CTNNBIP1: variants seen among roughly 807,000 people sequenced by gnomAD.
The protein encoded by CTNNBIP1 is beta-catenin-interacting protein 1.
Under a neutral mutation model 11.8 loss-of-function variants are expected in CTNNBIP1, and 7 were observed. The ratio of observed to expected loss-of-function variants is 0.60; its 90% CI spans 0.34 to 1.12. The LOEUF is 1.12. Ranked by LOEUF, CTNNBIP1 falls within the 50% of genes most tolerant of loss-of-function variation. The probability of loss-of-function intolerance (pLI) is 0.03; values close to 1 mark genes in which losing one functional copy is unlikely to be tolerated. For missense variants in CTNNBIP1, 101 were observed against 113.4 expected (o/e 0.89, Z 0.50); for synonymous variants, 58 against 43.9 (o/e 1.32, Z -1.26).
At chr1:9,862,332 C>T (rs1638648638) in intron 5 of CTNNBIP1, among the ~76,000 whole-genome samples, 1 of 152,204 alleles carries the variant, frequency 6.6e-6, no homozygotes, top group Admixed American at 6.5e-5. Context: ...GATCTCCTGC[C>T]TCAGCCTCCC....
intron 3 of CTNNBIP1, among the ~76,000 whole-genome samples, chr1:9,873,613 A>G (rs1638908506): frequency 6.6e-6 from 1 of 152,204 alleles, no homozygotes; most frequent in Non-Finnish European, 1.5e-5. Flanking sequence ...CTGGGTGTGG[A>G]TGATGATGCG....
chr1:9,853,178 G>A (rs184066310), intron 5 of CTNNBIP1, among the ~76,000 whole-genome samples: 263 of 152,256 alleles, frequency 1.7e-3, no homozygotes, highest in Non-Finnish European at 1.1e-3. Flanking sequence ...GAGGAGCTGC[G>A]GCCTGTCTGT....
intron 5 of CTNNBIP1, among the ~76,000 whole-genome samples, chr1:9,868,385 G>A (rs986691351): frequency 1.3e-5 from 2 of 152,342 alleles, no homozygotes; most frequent in South Asian, 2.1e-4. Flanking sequence ...TGCTCCTACT[G>A]CTCAGCAGTT....
At chr1:9,874,155 G>A (rs912932794) in intron 3 of CTNNBIP1, among the ~76,000 whole-genome samples, 4 of 152,084 alleles carry the variant, frequency 2.6e-5, no homozygotes, top group South Asian at 2.1e-4. Flanking sequence ...GCACTCGTCC[G>A]TTCTAGAACA....
At position 9,873,141 on chromosome 1, in the gene CTNNBIP1, C is replaced by T. The variant is rs185700224; in HGVS notation, c.-24-1053G>A. 1.2e-4 allele frequency among the ~76,000 whole-genome samples: 19 copies of T among 152,274 alleles called. No individual in the cohort carries two copies. The East Asian group carries it at 3.7e-3, about 29-fold the overall frequency. On this transcript the variant is annotated intron_variant, in intron 3 of 5. Transcript: ENST00000377263. ...CCGGGCAGCAGCCTCCCTGTAGGTA[C>T]TTGTCAACTGCTCATTCCCCATAAG...
chr1:9,850,478 A>T lies in CTNNBIP1; in HGVS notation c.*240T>A. 2.4e-6 allele frequency: 1 copy of T among 418,234 alleles called. No homozygotes were observed. Among genetic ancestry groups the T allele is most frequent in the East Asian group, 3.6e-5 (1 of 27,772 alleles). 25.9% of individuals were successfully genotyped at this position (418,234 alleles called of 1,614,324 possible). A position where few individuals can be genotyped will look rare whatever the true frequency, so the allele number is the denominator to read the frequency against. On this transcript the variant is annotated 3_prime_UTR_variant, in exon 6 of 6. Coordinates refer to ENST00000377263, the MANE Select transcript of CTNNBIP1 (RefSeq NM_020248.3). The stretch of plus-strand genomic sequence containing the variant: ...CTGTTGGTCAAGATTTAAAAAATAA[A>T]AAAGTTTCTTCCTGCAGCCAATCAC...
chr1:9,867,781 T>C lies in CTNNBIP1; in HGVS notation c.187+3406A>G, dbSNP rs1417997653. 6.6e-6 allele frequency among the ~76,000 whole-genome samples: 1 copy of C among 152,120 alleles called. No individual in the cohort carries two copies. On this transcript the variant is annotated intron_variant, in intron 5 of 5. Transcript: ENST00000377263. The surrounding 1 kb of genome is among the most constrained non-coding windows in gnomAD (Gnocchi z 4.6). ...CTGCCCCAGTCCCTGGAGACAACAA[T>C]CCAGGGCTTCTTCCACCTAAGCAGT...
chr1:9,862,823 C>A (rs574415504), intron 5 of CTNNBIP1, among the ~76,000 whole-genome samples: 2 of 152,216 alleles, frequency 1.3e-5, no homozygotes, highest in Admixed American at 6.5e-5. Flanking sequence ...CAGGAGCTCA[C>A]GGGCAGTGCT....
intron 1 of CTNNBIP1, among the ~76,000 whole-genome samples, chr1:9,900,402 G>A (rs1639499306): frequency 6.6e-6 from 1 of 152,162 alleles, no homozygotes; most frequent in African/African-American, 2.4e-5. Flanking sequence ...TAAATGAAGT[G>A]GAATGCGGTC....
chr1:9,859,482 C>A (rs908713280), intron 5 of CTNNBIP1, among the ~76,000 whole-genome samples: 2 of 152,216 alleles, frequency 1.3e-5, no homozygotes, highest in South Asian at 2.1e-4. Context: ...TCACCCTAGG[C>A]CTGGCCTGGC....
rs1286284413 is a variant in CTNNBIP1, at chr1:9,851,660, C to T, written c.188-884G>A. Among the ~76,000 whole-genome samples, 4 of 152,204 alleles carry T rather than the reference C, an allele frequency of 2.6e-5. No individual in the cohort carries two copies. The highest frequency in any genetic ancestry group is 4.8e-5 in the African/African-American group (2 of 41,452). ...TGCTGGGATTATAGGCAGGAGCCAC[C>T]GTGCCCAGCCAATCCTTCTTTTTCT... On this transcript the variant is annotated intron_variant, in intron 5 of 5. Coordinates refer to ENST00000377263, the MANE Select transcript of CTNNBIP1 (RefSeq NM_020248.3). This position sits in a 1 kb window ranked among gnomAD's most constrained non-coding sequence, Gnocchi z 4.8.
chr1:9,864,368 GC>G (rs1638697025), intron 5 of CTNNBIP1, among the ~76,000 whole-genome samples: 1 of 152,160 alleles, frequency 6.6e-6, no homozygotes, highest in African/African-American at 2.4e-5. Context: ...TCGCTCTGTC[GC>G]CCAGGCTGGA....
Position 9,871,140 on chromosome 1 carries a change from C to G in CTNNBIP1, c.187+47G>C, listed in dbSNP as rs1342722718. 7.2e-7 allele frequency: 1 copy of G among 1,382,440 alleles called. No homozygotes were observed. The highest frequency in any genetic ancestry group is 2.5e-5 in the East Asian group (1 of 40,218). The allele number at this position is 1,382,440 out of a possible 1,614,324, so 85.6% of individuals were successfully genotyped here. On this transcript the variant is annotated intron_variant, in intron 5 of 5. Coordinates refer to ENST00000377263, the MANE Select transcript of CTNNBIP1 (RefSeq NM_020248.3). The surrounding 1 kb of genome is among the most constrained non-coding windows in gnomAD (Gnocchi z 5.2). ...TTTCTAAGGGAACCACAAGTCGGTGCCCCTGGGACTTGTGCCACTGCCCCA... is the reference window on the plus strand; with the variant it reads ...TTTCTAAGGGAACCACAAGTCGGTGGCCCTGGGACTTGTGCCACTGCCCCA...
At chr1:9,896,906 G>T (rs1327605911) in intron 1 of CTNNBIP1, among the ~76,000 whole-genome samples, 1 of 151,396 alleles carries the variant, frequency 6.6e-6, no homozygotes, top group African/African-American at 2.4e-5. Flanking sequence ...GGCCAAGGTT[G>T]CAGTGAGCCG....
Position 9,862,327 on chromosome 1 carries a change from C to T in CTNNBIP1, c.187+8860G>A, listed in dbSNP as rs1570564559. ...TCAAACTCCTGGACTCAAGTGATCT[C>T]CTGCCTCAGCCTCCCAAAGTGTTGG... On this transcript the variant is annotated intron_variant, in intron 5 of 5. Coordinates refer to ENST00000377263, the MANE Select transcript of CTNNBIP1 (RefSeq NM_020248.3). Among the ~76,000 whole-genome samples, 3 of 152,310 alleles carry T rather than the reference C, an allele frequency of 2.0e-5. No homozygotes were observed. The East Asian group carries it at 5.8e-4, about 29-fold the overall frequency.
intron 5 of CTNNBIP1, among the ~76,000 whole-genome samples, chr1:9,855,255 CTTTT>C (rs35112494): frequency 7.8e-6 from 1 of 127,410 alleles, no homozygotes; most frequent in African/African-American, 3.0e-5. Context: ...TAAAAATTGC[CTTTT>C]TTTTTTTTTT....
chr1:9,873,426 G>A lies in CTNNBIP1; in HGVS notation c.-24-1338C>T, dbSNP rs12057969. Reference sequence around the variant, plus strand: ...CAGCCACTCCCCAGGGCCAGGCTGCGTCCCAGCATGGGGAAGGCCATAATT... The same window carrying A: ...CAGCCACTCCCCAGGGCCAGGCTGCATCCCAGCATGGGGAAGGCCATAATT... On this transcript the variant is annotated intron_variant, in intron 3 of 5. Coordinates refer to ENST00000377263, the MANE Select transcript of CTNNBIP1 (RefSeq NM_020248.3). Among the ~76,000 whole-genome samples the A allele has an allele frequency of 9.0e-3, 1,371 of 152,238 alleles. 17 individuals are homozygous for A. Among genetic ancestry groups the A allele is most frequent in the African/African-American group, 0.03 (1,262 of 41,516 alleles).
At chr1:9,882,648 CAGCAGGA>C (rs1370583009) in intron 2 of CTNNBIP1, among the ~76,000 whole-genome samples, 2 of 152,002 alleles carry the variant, frequency 1.3e-5, no homozygotes. Context: ...TGGGGTGGAG[CAGCAGGA>C]AGCAGGAGAG....
chr1:9,854,368 CA>C (rs373565421), intron 5 of CTNNBIP1, among the ~76,000 whole-genome samples: 1,506 of 83,782 alleles, frequency 0.018, 18 homozygotes, highest in African/African-American at 0.041. Context: ...AACTCCATCT[CA>C]AAAAAAAAAA....
Sources: allele counts gnomAD v4.1 joint callset (sites outside exome capture counted in the v4.1 genomes callset), GRCh38; gene constraint gnomAD v4.1.1; non-coding constraint Gnocchi (gnomAD v3.1); transcripts MANE v1.5; gene names NCBI Gene and HGNC (gene_info 2026-07-23, HGNC 2026-07-21).